KLRC1: variants seen among roughly 807,000 people sequenced by gnomAD.
The protein encoded by KLRC1 is NKG2-A/NKG2-B type II integral membrane protein.
Under a neutral mutation model 25.9 loss-of-function variants are expected in KLRC1, and 22 were observed. That is an observed-to-expected ratio of 0.85 (90% CI 0.61 to 1.21). The LOEUF is 1.21. Among genes scored for constraint, KLRC1 ranks in the 50% most tolerant of loss-of-function variants. The probability of loss-of-function intolerance (pLI) is 0.00; values close to 1 mark genes in which losing one functional copy is unlikely to be tolerated. For synonymous variants in KLRC1, 77 were observed against 93.1 expected (o/e 0.83, Z 0.99); for missense variants, 240 against 272.2 (o/e 0.88, Z 0.83).
chr12:10,451,182 T>C lies in KLRC1; in HGVS notation c.-26A>G, dbSNP rs74717897. 792 of 1,575,692 alleles carry C rather than the reference T, an allele frequency of 5.0e-4. 6 individuals are homozygous for C. The African/African-American group carries it at 9.7e-3, about 19-fold the overall frequency. ...CTCTGCAGTGTGTGATGTCAGGGACTGTACTCTATAATAACAGTAGTTAAG... is the reference window on the plus strand; with the variant it reads ...CTCTGCAGTGTGTGATGTCAGGGACCGTACTCTATAATAACAGTAGTTAAG... On this transcript the variant is annotated 5_prime_UTR_variant, in exon 2 of 7. Transcript: ENST00000359151.
In KLRC1 at chr12:10,446,074, C is replaced by T. The variant is rs538791753; in HGVS notation, c.*477G>A. On this transcript the variant is annotated 3_prime_UTR_variant, in exon 7 of 7. Coordinates refer to ENST00000359151, the MANE Select transcript of KLRC1 (RefSeq NM_002259.5). ...CTTTATTGAAGTGTCGTGTACAAAG[C>T]ATACATTTCATGCACTTAAAATGAT... 2 of 150,250 alleles carry T rather than the reference C, an allele frequency of 1.3e-5. No homozygotes were observed. Among genetic ancestry groups the T allele is most frequent in the East Asian group, 2.0e-4 (1 of 5,128 alleles). The allele number at this position is 150,250 out of a possible 1,614,324, so 9.3% of individuals were successfully genotyped here. A position where few individuals can be genotyped will look rare whatever the true frequency, so the allele number is the denominator to read the frequency against.
At position 10,446,481 on chromosome 12, in the gene KLRC1, A is replaced by G. The variant is rs1863986493; in HGVS notation, c.*70T>C. The G allele has an allele frequency of 6.7e-7, 1 of 1,501,404 alleles. No individual in the cohort carries two copies. The highest frequency in any genetic ancestry group is 1.4e-5 in the African/African-American group (1 of 70,056). The allele number at this position is 1,501,404 out of a possible 1,614,324, so 93.0% of individuals were successfully genotyped here. On this transcript the variant is annotated 3_prime_UTR_variant, in exon 7 of 7. Coordinates refer to ENST00000359151, the MANE Select transcript of KLRC1 (RefSeq NM_002259.5). ...CATAATTCATTTTAAGATTTATGCAATCATAATATATTTCTATTTTAAGAA... is the reference window on the plus strand; with the variant it reads ...CATAATTCATTTTAAGATTTATGCAGTCATAATATATTTCTATTTTAAGAA...
At chr12:10,451,285 T>C (rs1864121143) in intron 1 of KLRC1, 98 bp from the exon 2 acceptor site, 2 of 565,482 alleles carry the variant, frequency 3.5e-6, no homozygotes, top group African/African-American at 1.9e-5. Context: ...TTGGAGCTCA[T>C]TTTGCATTAA....
chr12:10,451,810 G>A (rs1864132394), intron 1 of KLRC1, among the ~76,000 whole-genome samples: 2 of 151,984 alleles, frequency 1.3e-5, no homozygotes, highest in Non-Finnish European at 2.9e-5. Context: ...TGTTGTATTA[G>A]AAAAACTTCT....
At position 10,451,189 on chromosome 12, in the gene KLRC1, T is replaced by C. The variant is rs1555129452; in HGVS notation, c.-31-2A>G. On this transcript the variant is annotated splice_acceptor_variant, in intron 1 of 6. Transcript: ENST00000359151. LOFTEE classifies it low-confidence loss of function (5UTR_SPLICE). ...GTGTGTGATGTCAGGGACTGTACTC[T>C]ATAATAACAGTAGTTAAGAAGTTAA... The C allele has an allele frequency of 1.3e-6, 2 of 1,538,122 alleles. No individual in the cohort carries two copies. The highest frequency in any genetic ancestry group is 1.8e-6 in the Non-Finnish European group (2 of 1,139,780).
chr12:10,445,351 C>G (rs937224663), downstream of KLRC1, among the ~76,000 whole-genome samples: 9 of 150,580 alleles, frequency 6.0e-5, no homozygotes, highest in African/African-American at 2.2e-4. Flanking sequence ...ATCATTCCAA[C>G]TGCTACAAAT....
upstream of KLRC1, among the ~76,000 whole-genome samples, chr12:10,454,076 C>G (rs1472939763): frequency 2.6e-5 from 4 of 152,172 alleles, no homozygotes; most frequent in African/African-American, 9.7e-5. Context: ...TTGTAAATGA[C>G]AAAAACTGAA....
intron 6 of KLRC1, chr12:10,447,308 G>A (rs1284003239): frequency 5.2e-6 from 2 of 384,390 alleles, no homozygotes; most frequent in Non-Finnish European, 9.3e-6. Flanking sequence ...GCCCACAGAA[G>A]CCAAAGATTG....
intron 6 of KLRC1, 25 bp downstream of exon 6, chr12:10,447,507 T>G: frequency 6.6e-7 from 1 of 1,514,790 alleles, no homozygotes; most frequent in Non-Finnish European, 9.1e-7. Context: ...TATATTGTTA[T>G]ATAGCGCCAT....
chr12:10,447,474 C>G, intron 6 of KLRC1, 58 bp downstream of exon 6: 1 of 1,320,620 alleles, frequency 7.6e-7, no homozygotes. Flanking sequence ...TCATATTATT[C>G]TTCTGAATTT....
downstream of KLRC1, chr12:10,445,957 A>G (rs527718445): frequency 4.7e-4 from 72 of 152,228 alleles, no homozygotes; most frequent in African/African-American, 1.7e-3. Context: ...AAAAGTCAAT[A>G]TTATAAAGAA....
Position 10,450,573 on chromosome 12 carries a change from G to A in KLRC1, c.194C>T (p.Pro65Leu). ...NDKTYHCKDL[P>L]SAPEKLIVGI... Reference sequence around the variant, plus strand: ...AACAATGAGCTTCTCTGGAGCTGATGGTAAATCTGCAGGGAGAGAAATGGG... The same window carrying A: ...AACAATGAGCTTCTCTGGAGCTGATAGTAAATCTGCAGGGAGAGAAATGGG... The change falls in exon 3 of 7, where the codon CCA (proline) becomes CTA (leucine). Residue 65 changes from proline (P) to leucine (L), a missense_variant. Physicochemically the swap from Pro to Leu is moderately conservative, Grantham distance 98. Coordinates refer to ENST00000359151, the MANE Select transcript of KLRC1 (RefSeq NM_002259.5). The A allele has an allele frequency of 1.3e-5, 21 of 1,599,962 alleles. No individual in the cohort carries two copies. The highest frequency in any genetic ancestry group is 1.8e-5 in the Non-Finnish European group (21 of 1,167,380).
At chr12:10,454,134 GA>G (rs1864171028), upstream of KLRC1, among the ~76,000 whole-genome samples, 2 of 152,212 alleles carry the variant, frequency 1.3e-5, no homozygotes, top group Non-Finnish European at 2.9e-5. Flanking sequence ...TTACTAGGAG[GA>G]AAGTCAGTAA....
At chr12:10,451,654 T>TC (rs1864129344) in intron 1 of KLRC1, among the ~76,000 whole-genome samples, 1 of 98,918 alleles carries the variant, frequency 1.0e-5, no homozygotes, top group Admixed American at 1.1e-4. Context: ...AGACTCCGAC[T>TC]CAAAAAAAAA....
intron 4 of KLRC1, 100 bp downstream of exon 4, chr12:10,449,814 C>A: frequency 1.0e-6 from 1 of 994,192 alleles, no homozygotes; most frequent in Non-Finnish European, 1.4e-6. Flanking sequence ...CACTTATTGC[C>A]AAATTTTATA....
rs147047449 is a variant in KLRC1, at chr12:10,451,150, T to G, written c.7A>C (p.Asn3His). Residue 3 changes from asparagine to histidine, a missense_variant, in exon 2 of 7, where the codon AAC becomes CAC. Asn to His is a moderately conservative substitution (Grantham distance 68). Coordinates refer to ENST00000359151, the MANE Select transcript of KLRC1 (RefSeq NM_002259.5). The stretch of plus-strand genomic sequence containing the variant: ...AGGTCTGAGTAGATTACTCCTTGGT[T>G]ATCCATCTCTGCAGTGTGTGATGTC... MD[N>H]QGVIYSDLNL... 5.6e-5 allele frequency: 91 copies of G among 1,612,724 alleles called. No individual in the cohort carries two copies. The African/African-American group carries it at 1.2e-3, about 21-fold the overall frequency.
rs1363035711 is a variant in KLRC1 at position 10,449,892 on chromosome 12, A to C, written c.337+22T>G. The C allele has an allele frequency of 4.2e-6, 6 of 1,434,506 alleles. No homozygotes were observed. In the Admixed American group the frequency reaches 1.3e-4, roughly 30 times the overall value. 88.9% of individuals were successfully genotyped at this position (1,434,506 alleles called of 1,614,324 possible). On this transcript the variant is annotated intron_variant, in intron 4 of 6. Transcript: ENST00000359151. ...GAAAAAATAAACTGTACAATATTAA[A>C]ACTTTAAAAATTATTATATACCTTT...
At chr12:10,443,526 C>A (rs1458370252), downstream of KLRC1, among the ~76,000 whole-genome samples, 1 of 140,308 alleles carries the variant, frequency 7.1e-6, no homozygotes, top group Non-Finnish European at 1.6e-5. Flanking sequence ...GCTACAAGTT[C>A]AACATATAAT....
chr12:10,451,112 TG>T lies in KLRC1; in HGVS notation c.44del (p.Pro15GlnfsTer18). The stretch of plus-strand genomic sequence containing the variant: ...GTTTTCGTTGCTGCCTCTTTGGGTT[TG>T]GGGGCAGATTCAGGTCTGAGTAGAT... ...GVIYSDLNLP[P>X]NPKRQQRKPK... On this transcript the variant is annotated frameshift_variant, in exon 2 of 7. Coordinates refer to ENST00000359151, the MANE Select transcript of KLRC1 (RefSeq NM_002259.5). LOFTEE classifies it high-confidence loss of function. The T allele has an allele frequency of 6.2e-7, 1 of 1,614,100 alleles. No individual in the cohort carries two copies. The highest frequency in any genetic ancestry group is 8.5e-7 in the Non-Finnish European group (1 of 1,179,994).
Sources: allele counts gnomAD v4.1 joint callset (sites outside exome capture counted in the v4.1 genomes callset), GRCh38; gene constraint gnomAD v4.1.1; transcripts MANE v1.5; gene names NCBI Gene and HGNC (gene_info 2026-07-23, HGNC 2026-07-21).